Variants in PCSK5 observed in about 807,000 individuals in gnomAD.
PCSK5 encodes the protein prohormone convertase 5.
Under a neutral mutation model 233.2 loss-of-function variants are expected in PCSK5, and 129 were observed. That is an observed-to-expected ratio of 0.55 (90% CI 0.48 to 0.64). PCSK5 has a LOEUF of 0.64. Ranked by LOEUF, PCSK5 falls within the 30% of genes least tolerant of loss-of-function variation. The pLI is 0.00. For missense variants in PCSK5, 2,076 were observed against 2,430.1 expected, an observed-to-expected ratio of 0.85 and a Z score of 3.06; for synonymous variants, 825 against 879.2, an observed-to-expected ratio of 0.94 and a Z score of 1.09.
chr9:76,136,320 A>G (rs1364858965), intron 10 of PCSK5, among the ~76,000 whole-genome samples: 1 of 152,090 alleles, frequency 6.6e-6, no homozygotes, highest in African/African-American at 2.4e-5. Context: ...TAGCAGGAGA[A>G]GCAACATGCT....
intron 23 of PCSK5, 41 bp downstream of exon 23, chr9:76,239,206 G>A: frequency 6.7e-7 from 1 of 1,489,974 alleles, no homozygotes; most frequent in Non-Finnish European, 9.1e-7. Flanking sequence ...CCCGAACATG[G>A]GAGGAGGGGC....
intron 20 of PCSK5, among the ~76,000 whole-genome samples, chr9:76,191,564 G>C (rs1424960788): frequency 1.3e-5 from 2 of 152,192 alleles, no homozygotes; most frequent in Non-Finnish European, 2.9e-5. Context: ...ATCATTTGTG[G>C]TCTTATTTCT....
intron 2 of PCSK5, among the ~76,000 whole-genome samples, chr9:75,948,608 C>G (rs1824697542): frequency 6.6e-6 from 1 of 152,006 alleles, no homozygotes; most frequent in Non-Finnish European, 1.5e-5. Flanking sequence ...GTGAATAGTG[C>G]CACAATAAAT....
intron 17 of PCSK5, among the ~76,000 whole-genome samples, chr9:76,185,386 T>G (rs1824057204): frequency 6.6e-6 from 1 of 152,210 alleles, no homozygotes; most frequent in Admixed American, 6.5e-5. Flanking sequence ...CATTCTGCAT[T>G]TAGTGAAGAG....
At chr9:76,351,509 A>AAGG (rs1564196823) in intron 36 of PCSK5, among the ~76,000 whole-genome samples, 4 of 122,518 alleles carry the variant, frequency 3.3e-5, no homozygotes, top group Admixed American at 8.6e-5. Context: ...AGAAAGAAAG[A>AAGG]AAGAAAGAAA....
intron 1 of PCSK5, among the ~76,000 whole-genome samples, chr9:75,903,574 G>GTGTGTGTGTA (rs1356262180): frequency 8.7e-6 from 1 of 115,448 alleles, no homozygotes; most frequent in Admixed American, 8.5e-5. Flanking sequence ...GTGTGTGTGT[G>GTGTGTGTGTA]TATATATATA....
intron 33 of PCSK5, among the ~76,000 whole-genome samples, chr9:76,328,975 A>ATTTTTTTTTTTT (rs59466685): frequency 4.8e-5 from 6 of 123,724 alleles, no homozygotes; most frequent in Non-Finnish European, 4.9e-5. Flanking sequence ...CTCCCGGCTA[A>ATTTTTTTTTTTT]TTTTTTTTTT....
chr9:76,309,915 T>C (rs923711176), intron 29 of PCSK5, among the ~76,000 whole-genome samples: 1 of 152,166 alleles, frequency 6.6e-6, no homozygotes. Context: ...ATCAGTTGTT[T>C]TTCGATTGAA....
At chr9:76,028,797 A>G (rs543031857) in intron 5 of PCSK5, among the ~76,000 whole-genome samples, 1 of 152,212 alleles carries the variant, frequency 6.6e-6, no homozygotes, top group South Asian at 2.1e-4. Context: ...GAGGGCTATT[A>G]TCAGTTTTGT....
At chr9:76,293,094 G>A (rs900426203) in intron 25 of PCSK5, among the ~76,000 whole-genome samples, 2 of 152,288 alleles carry the variant, frequency 1.3e-5, no homozygotes, top group Middle Eastern at 3.4e-3. Context: ...CACAGCTACT[G>A]ACAGGTCTAC....
At chr9:76,132,248 G>A (rs1822788024) in intron 9 of PCSK5, among the ~76,000 whole-genome samples, 1 of 152,070 alleles carries the variant, frequency 6.6e-6, no homozygotes, top group Non-Finnish European at 1.5e-5. Context: ...CATGCTATTT[G>A]TTTTAGAAGC....
chr9:76,315,041 C>G (rs1391766930), intron 30 of PCSK5, among the ~76,000 whole-genome samples: 1 of 152,130 alleles, frequency 6.6e-6, no homozygotes, highest in African/African-American at 2.4e-5. Context: ...CAACCTCTAC[C>G]TCCCAGGTTG....
rs1030502539 is a variant in PCSK5 at position 75,891,015 on chromosome 9, G to A, written c.-167G>A. On this transcript the variant is annotated 5_prime_UTR_variant, in exon 1 of 38. Transcript: ENST00000674117. ...TCTAGGAGCCGGCGTAAGGCTCGCTGCTCTGCTCCCTGCCGGGGCTAGCCG... is the reference window on the plus strand; with the variant it reads ...TCTAGGAGCCGGCGTAAGGCTCGCTACTCTGCTCCCTGCCGGGGCTAGCCG... 5.8e-6 allele frequency: 3 copies of A among 515,096 alleles called. No homozygotes were observed. Among genetic ancestry groups the A allele is most frequent in the Non-Finnish European group, 6.4e-6 (2 of 312,852 alleles). 31.9% of individuals were successfully genotyped at this position (515,096 alleles called of 1,614,324 possible).
At chr9:76,113,255 A>G (rs2131696362) in intron 9 of PCSK5, among the ~76,000 whole-genome samples, 1 of 152,314 alleles carries the variant, frequency 6.6e-6, no homozygotes, top group African/African-American at 2.4e-5. Flanking sequence ...GGAAGGGATC[A>G]TTCGAGACAA....
chr9:75,970,548 T>G (rs1410109422), intron 2 of PCSK5, among the ~76,000 whole-genome samples: 1 of 152,198 alleles, frequency 6.6e-6, no homozygotes, highest in Non-Finnish European at 1.5e-5. Flanking sequence ...CCAAAATTCC[T>G]TATGTGGAAC....
At position 76,296,739 on chromosome 9, in the gene PCSK5, C is replaced by A. The variant is rs558004911; in HGVS notation, c.3397C>A (p.Arg1133=). Residue 1133 remains arginine (R), a synonymous_variant, in exon 27 of 38, where the codon CGA becomes AGA. Transcript: ENST00000674117. ...QEMGECESCH[R]ACETCTGPGH... ...AATGGGAGAATGTGAGTCCTGCCAC[C>A]GAGCATGCGAAACCTGCACAGGCCC... is the stretch of plus-strand genomic sequence containing the variant. 3 of 1,612,192 alleles carry A rather than the reference C, an allele frequency of 1.9e-6. No individual in the cohort carries two copies. The highest frequency in any genetic ancestry group is 4.5e-5 in the East Asian group (2 of 44,866).
intron 28 of PCSK5, among the ~76,000 whole-genome samples, chr9:76,303,899 C>T (rs77470428): frequency 2.6e-5 from 4 of 152,184 alleles, no homozygotes; most frequent in Non-Finnish European, 5.9e-5. Context: ...GGGCTGGCTG[C>T]AGTGGCTCAC....
At chr9:76,265,423 T>A (rs906580706) in intron 24 of PCSK5, among the ~76,000 whole-genome samples, 1 of 151,616 alleles carries the variant, frequency 6.6e-6, no homozygotes, top group Non-Finnish European at 1.5e-5. Context: ...GAAAAAAAAA[T>A]TGCCTTTTAA....
intron 20 of PCSK5, among the ~76,000 whole-genome samples, chr9:76,196,290 AAGGAGGT>A: frequency 6.6e-6 from 1 of 152,334 alleles, no homozygotes; most frequent in South Asian, 2.1e-4. Context: ...GGCTGGGGGC[AAGGAGGT>A]AGGCAGTGTA....
Sources: gnomAD v4.1 joint callset for allele counts (sites outside exome capture counted in the v4.1 genomes callset) on GRCh38, gnomAD v4.1.1 for gene constraint, MANE v1.5 for transcripts, NCBI Gene and HGNC (gene_info 2026-07-23, HGNC 2026-07-21) for gene names.